CACNA2D1: variants seen among roughly 807,000 people sequenced by gnomAD.
CACNA2D1 encodes voltage-dependent calcium channel subunit alpha-2/delta-1.
In CACNA2D1, 53 loss-of-function variants were observed where a neutral mutation model predicts 171.5. That is an observed-to-expected ratio of 0.31 (90% CI 0.25 to 0.39). The LOEUF (loss-of-function observed/expected upper bound fraction) is 0.39, where lower values mean the gene tolerates loss of function less well. CACNA2D1 is among the 10% of genes least tolerant of loss of function. CACNA2D1 has a pLI of 1.00. For missense variants in CACNA2D1, 903 were observed against 1,299.8 expected (o/e 0.69, Z 4.69); for synonymous variants, 442 against 443.1 (o/e 1.00, Z 0.03).
intron 13 of CACNA2D1, among the ~76,000 whole-genome samples, chr7:82,013,802 A>G (rs992688281): frequency 6.6e-6 from 1 of 151,842 alleles, no homozygotes; most frequent in Non-Finnish European, 1.5e-5. Context: ...CATTGGATAA[A>G]TTATTAAAGA....
chr7:82,264,625 G>C (rs970317687), intron 3 of CACNA2D1, among the ~76,000 whole-genome samples: 1 of 152,122 alleles, frequency 6.6e-6, no homozygotes, highest in Admixed American at 6.6e-5. Context: ...CTGACCTGAA[G>C]AGAAATGAAG....
chr7:81,957,740 A>AC (rs1201358624), intron 38 of CACNA2D1, among the ~76,000 whole-genome samples: 1 of 152,154 alleles, frequency 6.6e-6, no homozygotes, highest in Non-Finnish European at 1.5e-5. Context: ...TTATTAGCAC[A>AC]CCAAGCTACT....
intron 4 of CACNA2D1, among the ~76,000 whole-genome samples, chr7:82,147,354 A>G (rs1793265310): frequency 6.6e-6 from 1 of 152,180 alleles, no homozygotes; most frequent in Non-Finnish European, 1.5e-5. Context: ...TTTAAACTCT[A>G]TGAGAAGAGC....
intron 3 of CACNA2D1, among the ~76,000 whole-genome samples, chr7:82,308,383 G>C (rs527737202): frequency 1.3e-5 from 2 of 152,150 alleles, no homozygotes; most frequent in African/African-American, 4.8e-5. Context: ...AAAACACAGC[G>C]AAGGTGCCAT....
chr7:82,071,053 G>A (rs1037860281), intron 7 of CACNA2D1, among the ~76,000 whole-genome samples: 1 of 152,112 alleles, frequency 6.6e-6, no homozygotes, highest in Non-Finnish European at 1.5e-5. Context: ...ACAACAACTA[G>A]AAGTCATCTG....
At chr7:82,303,284 G>A (rs564154525) in intron 3 of CACNA2D1, among the ~76,000 whole-genome samples, 3 of 152,202 alleles carry the variant, frequency 2.0e-5, no homozygotes, top group East Asian at 1.9e-4. Context: ...TGTGATTACA[G>A]GCGTGAGCCA....
chr7:82,273,137 A>G (rs1808857998), intron 3 of CACNA2D1, among the ~76,000 whole-genome samples: 2 of 152,190 alleles, frequency 1.3e-5, no homozygotes, highest in South Asian at 4.1e-4. Flanking sequence ...TTCGTTGCCT[A>G]AAAAATAATA....
chr7:82,024,236 T>A lies in CACNA2D1; in HGVS notation c.1143+8561A>T, dbSNP rs1001748796. On this transcript the variant is annotated intron_variant, in intron 12 of 38. Transcript: ENST00000356860. ...TCTTTGAGGGACCTCCATATTATTT[T>A]CCGTGGGTGCTGCACAATTTTGCCT... 3.3e-5 allele frequency among the ~76,000 whole-genome samples: 5 copies of A among 151,642 alleles called. No individual in the cohort carries two copies. In the East Asian group the frequency reaches 9.7e-4, roughly 29 times the overall value.
At chr7:82,177,406 T>G (rs1392567785) in intron 3 of CACNA2D1, among the ~76,000 whole-genome samples, 1 of 152,044 alleles carries the variant, frequency 6.6e-6, no homozygotes, top group Non-Finnish European at 1.5e-5. Flanking sequence ...ATAGGCTACA[T>G]GCAAAGAGAA....
intron 3 of CACNA2D1, among the ~76,000 whole-genome samples, chr7:82,223,263 A>G (rs2129257133): frequency 6.6e-6 from 1 of 152,238 alleles, no homozygotes; most frequent in Non-Finnish European, 1.5e-5. Flanking sequence ...TCTTGTTCTA[A>G]AAGAAGTTTT....
intron 23 of CACNA2D1, 112 bp from the exon 24 acceptor site, chr7:81,982,739 G>C: frequency 2.6e-6 from 2 of 773,498 alleles, no homozygotes; most frequent in South Asian, 1.4e-5. Flanking sequence ...ATTGAAAATA[G>C]AGTACTTACA....
intron 38 of CACNA2D1, among the ~76,000 whole-genome samples, chr7:81,957,324 AAAC>A (rs1456606189): frequency 6.6e-6 from 1 of 152,156 alleles, no homozygotes; most frequent in African/African-American, 2.4e-5. Flanking sequence ...GCTATTTACA[AAAC>A]AACAACATTG....
chr7:82,052,862 C>T (rs1805347064), intron 10 of CACNA2D1, among the ~76,000 whole-genome samples: 1 of 152,084 alleles, frequency 6.6e-6, no homozygotes, highest in South Asian at 2.1e-4. Context: ...CTACTGTTTT[C>T]TTATCCGCAA....
intron 3 of CACNA2D1, among the ~76,000 whole-genome samples, chr7:82,261,773 T>G (rs38564): frequency 0.75 from 114,284 of 151,914 alleles, 43,825 homozygotes; most frequent in African/African-American, 0.89. Flanking sequence ...TACTTTCAAT[T>G]ACTTTGGCAT....
chr7:82,229,215 G>C (rs1004752984), intron 3 of CACNA2D1, among the ~76,000 whole-genome samples: 2 of 152,052 alleles, frequency 1.3e-5, no homozygotes, highest in African/African-American at 2.4e-5. Flanking sequence ...TTGGAGAACT[G>C]ACAAATCACA....
intron 6 of CACNA2D1, among the ~76,000 whole-genome samples, chr7:82,093,584 T>C (rs533402663): frequency 6.6e-6 from 1 of 152,268 alleles, no homozygotes; most frequent in Admixed American, 6.5e-5. Flanking sequence ...TCCATTTCAA[T>C]TGCTATAAGA....
chr7:82,326,969 G>T (rs914644706), intron 3 of CACNA2D1, among the ~76,000 whole-genome samples: 1 of 152,126 alleles, frequency 6.6e-6, no homozygotes, highest in Admixed American at 6.6e-5. Flanking sequence ...AAAAGTAATT[G>T]CAGTTTTCTA....
chr7:82,368,454 T>C (rs954166397), intron 1 of CACNA2D1, among the ~76,000 whole-genome samples: 20 of 152,220 alleles, frequency 1.3e-4, no homozygotes, highest in African/African-American at 3.9e-4. Flanking sequence ...AAGTCATAAG[T>C]AGATTCCTAA....
At chr7:82,165,642 A>G (rs1306694913) in intron 4 of CACNA2D1, among the ~76,000 whole-genome samples, 1 of 152,028 alleles carries the variant, frequency 6.6e-6, no homozygotes, top group African/African-American at 2.4e-5. Flanking sequence ...TGACTCCTTT[A>G]CATTACATTG....
Sources: allele counts gnomAD v4.1 joint callset (sites outside exome capture counted in the v4.1 genomes callset), GRCh38; gene constraint gnomAD v4.1.1; transcripts MANE v1.5; gene names NCBI Gene and HGNC (gene_info 2026-07-23, HGNC 2026-07-21).